The following LMO7 variants were observed in gnomAD, a reference collection of about 807,000 sequenced individuals.
LMO7 encodes LIM domain only protein 7.
In LMO7, 120 loss-of-function variants were observed where a neutral mutation model predicts 206.5. That is an observed-to-expected ratio of 0.58 (90% CI 0.50 to 0.68). LMO7 has a LOEUF of 0.68. Ranked by LOEUF, LMO7 falls within the 30% of genes least tolerant of loss-of-function variation. The pLI, the probability that LMO7 is intolerant of heterozygous loss-of-function variation, is 0.00. For synonymous variants in LMO7, 706 were observed against 681.5 expected (o/e 1.04, Z -0.56); for missense variants, 1,959 against 1,957.9 (o/e 1.00, Z -0.01).
At chr13:75,753,006 C>T (rs915777470) in intron 3 of LMO7, among the ~76,000 whole-genome samples, 11 of 152,306 alleles carry the variant, frequency 7.2e-5, no homozygotes, top group African/African-American at 2.6e-4. Context: ...GACAGATCTC[C>T]ACACTGTTTT....
At chr13:75,854,899 T>G in intron 28 of LMO7, 1 of 165,814 alleles carries the variant, frequency 6.0e-6, no homozygotes, top group Non-Finnish European at 1.3e-5. Flanking sequence ...ATGATCAGCA[T>G]TGTGTGCTTT....
chr13:75,686,605 T>G (rs1321418615), intron 1 of LMO7, among the ~76,000 whole-genome samples: 1 of 151,598 alleles, frequency 6.6e-6, no homozygotes, highest in Non-Finnish European at 1.5e-5. Context: ...ATTTTAGATT[T>G]GACAGACTAG....
chr13:75,690,639 C>G (rs555610319), intron 1 of LMO7, among the ~76,000 whole-genome samples: 1 of 152,336 alleles, frequency 6.6e-6, no homozygotes, highest in East Asian at 1.9e-4. Flanking sequence ...TCTCTCTCTA[C>G]TGTAGTAAGA....
At chr13:75,745,857 T>G (rs2046795996) in intron 3 of LMO7, among the ~76,000 whole-genome samples, 1 of 152,252 alleles carries the variant, frequency 6.6e-6, no homozygotes, top group Non-Finnish European at 1.5e-5. Context: ...TTAGCTCTCC[T>G]GGTTCTTAGA....
chr13:75,726,546 C>T (rs634002), intron 2 of LMO7, among the ~76,000 whole-genome samples: 1 of 151,966 alleles, frequency 6.6e-6, no homozygotes, highest in Non-Finnish European at 1.5e-5. Flanking sequence ...AAAACTAGTT[C>T]ACTATTTGTA....
chr13:75,732,173 C>T (rs891784738), intron 3 of LMO7, among the ~76,000 whole-genome samples: 6 of 152,072 alleles, frequency 3.9e-5, no homozygotes, highest in African/African-American at 1.4e-4. Context: ...TGTTGGCCTG[C>T]CTTGCTAGAT....
At chr13:75,832,895 G>C (rs530634612) in intron 15 of LMO7, among the ~76,000 whole-genome samples, 156 bp from the exon 16 acceptor site, 1 of 152,202 alleles carries the variant, frequency 6.6e-6, no homozygotes, top group South Asian at 2.1e-4. Context: ...ATAAATGAAA[G>C]TTTTACCAAC....
At chr13:75,737,435 GT>G (rs1163955393) in intron 3 of LMO7, among the ~76,000 whole-genome samples, 1 of 151,478 alleles carries the variant, frequency 6.6e-6, no homozygotes, top group African/African-American at 2.4e-5. Context: ...ATAGGTACAT[GT>G]TTTAGTTAAT....
chr13:75,723,054 A>G (rs1594526659), intron 2 of LMO7, among the ~76,000 whole-genome samples: 1 of 152,048 alleles, frequency 6.6e-6, no homozygotes, highest in Non-Finnish European at 1.5e-5. Flanking sequence ...AAGACTACAT[A>G]TTGCGTGCAG....
chr13:75,818,718 C>A (rs758266511), intron 12 of LMO7, among the ~76,000 whole-genome samples: 7 of 152,170 alleles, frequency 4.6e-5, no homozygotes, highest in African/African-American at 1.4e-4. Flanking sequence ...CAAGTCTCAC[C>A]TTCCCAGTTA....
intron 4 of LMO7, among the ~76,000 whole-genome samples, chr13:75,770,044 T>C (rs372378601): frequency 3.3e-4 from 50 of 152,130 alleles, no homozygotes; most frequent in African/African-American, 1.1e-3. Context: ...ATAATAGGGG[T>C]ATATTCACTT....
intron 28 of LMO7, among the ~76,000 whole-genome samples, chr13:75,853,668 G>A (rs1595554660): frequency 6.6e-6 from 1 of 152,160 alleles, no homozygotes; most frequent in African/African-American, 2.4e-5. Flanking sequence ...CAGTGTCTTG[G>A]ATGTAAGACA....
chr13:75,660,264 C>T (rs1297913207), intron 1 of LMO7, among the ~76,000 whole-genome samples: 2 of 152,184 alleles, frequency 1.3e-5, no homozygotes, highest in Non-Finnish European at 2.9e-5. Flanking sequence ...CCTTAGCTGA[C>T]ATTGTATTAG....
chr13:75,838,110 T>C (rs1228509634), intron 19 of LMO7, 30 bp from the exon 20 acceptor site: 1 of 1,306,004 alleles, frequency 7.7e-7, no homozygotes, highest in African/African-American at 1.5e-5. Flanking sequence ...TAAAAATGAA[T>C]GACATAGTGT....
In LMO7 at chr13:75,823,649, C is replaced by A. The variant is rs1401276730; in HGVS notation, c.2725C>A (p.Pro909Thr). The A allele has an allele frequency of 6.2e-7, 1 of 1,614,040 alleles. No homozygotes were observed. The highest frequency in any genetic ancestry group is 8.5e-7 in the Non-Finnish European group (1 of 1,179,978). The change falls in exon 15 of 31, where the codon CCG becomes ACG. Residue 909 changes from proline to threonine, a missense_variant. By Grantham distance (38) the Pro-to-Thr change is conservative. Coordinates refer to ENST00000377534, the MANE Select transcript of LMO7 (RefSeq NM_001306080.2). The part of the protein sequence containing the change: ...NNVVSTPAPS[P>T]DASQLASSLS... ...TGTGGTCAGCACCCCTGCACCAAGC[C>A]CGGACGCAAGCCAACTGGCTTCAAG...
intron 2 of LMO7, among the ~76,000 whole-genome samples, chr13:75,719,522 TC>T (rs535128391): frequency 6.6e-6 from 1 of 152,130 alleles, no homozygotes; most frequent in Non-Finnish European, 1.5e-5. Context: ...GGGGTGGATT[TC>T]CCCCATGCTG....
At chr13:75,636,896 G>C (rs1283757049) in intron 1 of LMO7, among the ~76,000 whole-genome samples, 170 bp downstream of exon 1, 1 of 152,182 alleles carries the variant, frequency 6.6e-6, no homozygotes, top group African/African-American at 2.4e-5. Flanking sequence ...GGGTTCTGCC[G>C]CTCCTGCATC....
chr13:75,648,945 C>T (rs531036042), intron 1 of LMO7, among the ~76,000 whole-genome samples: 1 of 152,148 alleles, frequency 6.6e-6, no homozygotes, highest in Non-Finnish European at 1.5e-5. Context: ...CTACAGGAAG[C>T]TTGAGAATGG....
intron 2 of LMO7, among the ~76,000 whole-genome samples, chr13:75,630,253 G>A (rs555271229): frequency 1.3e-5 from 2 of 152,128 alleles, no homozygotes; most frequent in Non-Finnish European, 2.9e-5. Context: ...TATAGAACCT[G>A]TAGATATGGA....
Sources: allele counts gnomAD v4.1 joint callset (sites outside exome capture counted in the v4.1 genomes callset), GRCh38; gene constraint gnomAD v4.1.1; transcripts MANE v1.5; gene names NCBI Gene and HGNC (gene_info 2026-07-23, HGNC 2026-07-21).